MTHFD2L: variants seen among roughly 807,000 people sequenced by gnomAD.
MTHFD2L encodes the protein methylenetetrahydrofolate dehydrogenase (NADP+ dependent) 2 like.
MTHFD2L carries 29 observed loss-of-function variants against 34.9 expected under a neutral mutation model. That is an observed-to-expected ratio of 0.83 (90% CI 0.62 to 1.13). The LOEUF is 1.13. Ranked by LOEUF, MTHFD2L falls within the 50% of genes most tolerant of loss-of-function variation. MTHFD2L has a pLI of 0.00. For synonymous variants in MTHFD2L, 167 were observed against 155.7 expected (o/e 1.07, Z -0.54); for missense variants, 481 against 446.5 (o/e 1.08, Z -0.70).
At chr4:74,223,157 A>G (rs1255181122) in intron 5 of MTHFD2L, among the ~76,000 whole-genome samples, 2 of 152,054 alleles carry the variant, frequency 1.3e-5, no homozygotes, top group Non-Finnish European at 2.9e-5. Flanking sequence ...ATTCACAGTC[A>G]CAAAGATATG....
chr4:74,295,988 G>A (rs555947535), intron 7 of MTHFD2L, among the ~76,000 whole-genome samples: 9 of 152,266 alleles, frequency 5.9e-5, no homozygotes, highest in Non-Finnish European at 1.0e-4. Flanking sequence ...TATCACTGCC[G>A]TGGCTCAATT....
chr4:74,170,218 A>C (rs998553019), intron 1 of MTHFD2L, among the ~76,000 whole-genome samples: 6 of 152,226 alleles, frequency 3.9e-5, no homozygotes, highest in Non-Finnish European at 8.8e-5. Flanking sequence ...TGTAGATGCA[A>C]CAATTTTAAC....
chr4:74,253,082 AAATT>A (rs1255207214), intron 6 of MTHFD2L, among the ~76,000 whole-genome samples: 1 of 152,100 alleles, frequency 6.6e-6, no homozygotes, highest in Non-Finnish European at 1.5e-5. Context: ...TTGAGGAAAA[AAATT>A]AATTTAGAAT....
chr4:74,197,674 G>C (rs953977870), intron 3 of MTHFD2L, among the ~76,000 whole-genome samples: 4 of 152,126 alleles, frequency 2.6e-5, no homozygotes, highest in African/African-American at 9.7e-5. Flanking sequence ...TCTTAGTAGT[G>C]ATTTGAGATT....
At chr4:74,179,008 C>G (rs1729592083) in intron 3 of MTHFD2L, among the ~76,000 whole-genome samples, 2 of 152,020 alleles carry the variant, frequency 1.3e-5, no homozygotes, top group South Asian at 4.1e-4. Flanking sequence ...TACTATGTGG[C>G]AGGCACTCCC....
At chr4:74,231,296 C>CG (rs1258994328) in intron 6 of MTHFD2L, among the ~76,000 whole-genome samples, 2 of 152,100 alleles carry the variant, frequency 1.3e-5, no homozygotes, top group African/African-American at 2.4e-5. Flanking sequence ...GGTTTTCCCC[C>CG]GGGTGTATTT....
chr4:74,137,242 T>C (rs1427998725), intron 1 of MTHFD2L, among the ~76,000 whole-genome samples: 1 of 152,180 alleles, frequency 6.6e-6, no homozygotes, highest in East Asian at 1.9e-4. Flanking sequence ...AACTAGAGTA[T>C]ATAGAAATCT....
At chr4:74,233,441 A>G (rs1353370157) in intron 6 of MTHFD2L, among the ~76,000 whole-genome samples, 1 of 152,152 alleles carries the variant, frequency 6.6e-6, no homozygotes, top group Non-Finnish European at 1.5e-5. Context: ...TAGTAATACT[A>G]GTGTTTATAA....
chr4:74,223,100 TATAA>T, intron 5 of MTHFD2L, among the ~76,000 whole-genome samples: 1 of 152,214 alleles, frequency 6.6e-6, no homozygotes, highest in Middle Eastern at 3.4e-3. Context: ...CCCAAAGGAA[TATAA>T]ATTGTTCTAT....
chr4:74,236,387 A>ATT (rs1195009557), intron 6 of MTHFD2L, among the ~76,000 whole-genome samples: 1 of 152,174 alleles, frequency 6.6e-6, no homozygotes, highest in Non-Finnish European at 1.5e-5. Context: ...TGAAACATCT[A>ATT]TTGACTTATT....
chr4:74,159,825 A>G (rs1725019130), intron 1 of MTHFD2L, among the ~76,000 whole-genome samples: 1 of 152,250 alleles, frequency 6.6e-6, no homozygotes, highest in Admixed American at 6.5e-5. Flanking sequence ...CACTTGATGC[A>G]GATTATAGTT....
At chr4:74,182,391 T>C (rs1402585955) in intron 3 of MTHFD2L, among the ~76,000 whole-genome samples, 1 of 152,126 alleles carries the variant, frequency 6.6e-6, no homozygotes, top group Non-Finnish European at 1.5e-5. Flanking sequence ...GAAGATCTTG[T>C]GCCCGCACCC....
At chr4:74,229,672 A>G (rs1739705828) in intron 6 of MTHFD2L, among the ~76,000 whole-genome samples, 1 of 152,188 alleles carries the variant, frequency 6.6e-6, no homozygotes, top group Admixed American at 6.5e-5. Context: ...AGTTTCTCAT[A>G]GTACTACTCC....
intron 7 of MTHFD2L, among the ~76,000 whole-genome samples, chr4:74,292,242 A>G (rs1017237511): frequency 1.3e-5 from 2 of 152,224 alleles, no homozygotes; most frequent in Admixed American, 6.5e-5. Flanking sequence ...AGAGACTTCT[A>G]TTTAGTAGAT....
In MTHFD2L at chr4:74,186,451, A is replaced by AAC. The variant is rs1352857212; in HGVS notation, c.451+11049_451+11050insCA. ...AAGGGAATCCATGAAAAAAAAAAAA[A>AAC]AAAAAAAACAGCTACTAGTACTAAT... On this transcript the variant is annotated intron_variant, in intron 3 of 7. Coordinates refer to ENST00000325278, the MANE Select transcript of MTHFD2L (RefSeq NM_001144978.3). 8.0e-5 allele frequency among the ~76,000 whole-genome samples: 12 copies of AAC among 150,878 alleles called. No homozygotes were observed. The South Asian group carries it at 1.9e-3, about 24-fold the overall frequency.
At chr4:74,140,266 C>T (rs919436348) in intron 1 of MTHFD2L, among the ~76,000 whole-genome samples, 3 of 152,056 alleles carry the variant, frequency 2.0e-5, no homozygotes, top group African/African-American at 7.2e-5. Context: ...GATTACGCCA[C>T]TACACTCCAG....
chr4:74,237,124 A>G (rs1034723933), intron 6 of MTHFD2L, among the ~76,000 whole-genome samples: 2 of 152,174 alleles, frequency 1.3e-5, no homozygotes, highest in Non-Finnish European at 2.9e-5. Context: ...AATAATAAAG[A>G]GGAGAAGGAG....
intron 3 of MTHFD2L, among the ~76,000 whole-genome samples, chr4:74,191,512 A>C (rs1221131916): frequency 6.6e-6 from 1 of 151,936 alleles, no homozygotes; most frequent in Non-Finnish European, 1.5e-5. Context: ...TTTTTAACAT[A>C]AGCCACCTTT....
In MTHFD2L at chr4:74,236,282, T is replaced by A. The variant is rs74846903; in HGVS notation, c.805+10888T>A. Among the ~76,000 whole-genome samples the A allele has an allele frequency of 5.8e-3, 883 of 152,316 alleles. 10 individuals carry two copies. The highest frequency in any genetic ancestry group is 0.02 in the African/African-American group (849 of 41,582). The stretch of plus-strand genomic sequence containing the variant: ...TGGATTTCCCATGTCCATTATTTGA[T>A]TATGTTAATGCTTTCTAAAACACAA... On this transcript the variant is annotated intron_variant, in intron 6 of 7. Coordinates refer to ENST00000325278, the MANE Select transcript of MTHFD2L (RefSeq NM_001144978.3).
Sources: allele counts gnomAD v4.1 joint callset (sites outside exome capture counted in the v4.1 genomes callset), GRCh38; gene constraint gnomAD v4.1.1; transcripts MANE v1.5; gene names NCBI Gene and HGNC (gene_info 2026-07-23, HGNC 2026-07-21).